Variants in TTC28 observed in about 807,000 individuals in gnomAD.
TTC28 encodes tetratricopeptide repeat protein 28.
TTC28 carries 61 observed loss-of-function variants against 198.0 expected under a neutral mutation model. The ratio of observed to expected loss-of-function variants is 0.31; its 90% CI spans 0.25 to 0.38. TTC28 has a LOEUF of 0.38. TTC28 is among the 10% of genes least tolerant of loss of function. The pLI, the probability that TTC28 is intolerant of heterozygous loss-of-function variation, is 1.00. For missense variants in TTC28, 2,678 were observed against 3,164.0 expected, an observed-to-expected ratio of 0.85 and a Z score of 3.69; for synonymous variants, 1,171 against 1,297.8, an observed-to-expected ratio of 0.90 and a Z score of 2.10.
intron 2 of TTC28, among the ~76,000 whole-genome samples, chr22:28,543,186 C>A (rs1006955204): frequency 5.3e-5 from 8 of 151,828 alleles, no homozygotes; most frequent in Admixed American, 1.3e-4. Flanking sequence ...TAAAAAGTAA[C>A]AAAAATAGCC....
intron 1 of TTC28, among the ~76,000 whole-genome samples, chr22:28,657,142 A>G (rs1350719763): frequency 6.6e-6 from 1 of 152,196 alleles, no homozygotes; most frequent in Non-Finnish European, 1.5e-5. Context: ...AAAAGTTAAA[A>G]GTTAAACTGT....
intron 12 of TTC28, among the ~76,000 whole-genome samples, chr22:28,074,303 T>G (rs1941096944): frequency 6.6e-6 from 1 of 152,192 alleles, no homozygotes; most frequent in Non-Finnish European, 1.5e-5. Flanking sequence ...ATATTGAGAT[T>G]TGATAAGTTC....
chr22:28,102,473 T>C (rs1942182868), intron 8 of TTC28, among the ~76,000 whole-genome samples: 1 of 152,082 alleles, frequency 6.6e-6, no homozygotes, highest in Non-Finnish European at 1.5e-5. Flanking sequence ...TTTGTGAGAG[T>C]CAAATCTGAA....
intron 2 of TTC28, among the ~76,000 whole-genome samples, chr22:28,497,291 T>C (rs2048470201): frequency 6.6e-6 from 1 of 152,124 alleles, no homozygotes; most frequent in African/African-American, 2.4e-5. Flanking sequence ...TAAAAAGGTA[T>C]ATAGAAAACT....
intron 2 of TTC28, among the ~76,000 whole-genome samples, chr22:28,319,166 T>C (rs974966832): frequency 1.4e-4 from 21 of 152,160 alleles, no homozygotes; most frequent in African/African-American, 5.1e-4. Flanking sequence ...GAAATATTTA[T>C]GCAAGTGTTT....
At chr22:28,071,967 G>A (rs892390307) in intron 12 of TTC28, among the ~76,000 whole-genome samples, 1 of 152,100 alleles carries the variant, frequency 6.6e-6, no homozygotes, top group African/African-American at 2.4e-5. Context: ...ACTAGGAATC[G>A]GAAGAGTTTC....
intron 5 of TTC28, among the ~76,000 whole-genome samples, chr22:28,166,222 A>C (rs1174043114): frequency 3.3e-5 from 5 of 152,208 alleles, no homozygotes; most frequent in Admixed American, 3.3e-4. Flanking sequence ...ACTCAATAAT[A>C]ATGGGAGACT....
At chr22:28,528,774 A>G in intron 2 of TTC28, among the ~76,000 whole-genome samples, 1 of 151,936 alleles carries the variant, frequency 6.6e-6, no homozygotes, top group South Asian at 2.1e-4. Flanking sequence ...AAAAGAATGA[A>G]AACTGAGACA....
chr22:28,367,919 T>C (rs1439221751), intron 2 of TTC28, among the ~76,000 whole-genome samples: 2 of 151,936 alleles, frequency 1.3e-5, no homozygotes, highest in East Asian at 3.9e-4. Context: ...AAAGCTGTAA[T>C]AAAAAGCCTC....
chr22:28,163,674 T>C, intron 5 of TTC28, 75 bp from the exon 6 acceptor site: 2 of 1,445,848 alleles, frequency 1.4e-6, no homozygotes, highest in Non-Finnish European at 1.8e-6. Flanking sequence ...AGATAAAATT[T>C]TACAGGTTGC....
chr22:28,062,616 A>C (rs1357671933), intron 12 of TTC28, among the ~76,000 whole-genome samples: 1 of 151,914 alleles, frequency 6.6e-6, no homozygotes, highest in Non-Finnish European at 1.5e-5. Context: ...ATGCAGACGC[A>C]AGCCACTGTA....
intron 12 of TTC28, among the ~76,000 whole-genome samples, chr22:28,058,782 T>C (rs1940396224): frequency 1.3e-5 from 2 of 152,196 alleles, no homozygotes; most frequent in Middle Eastern, 3.4e-3. Flanking sequence ...ATGAATTTAA[T>C]AGACATAGGG....
chr22:28,004,831 G>T (rs971337264), intron 14 of TTC28, among the ~76,000 whole-genome samples: 1 of 152,230 alleles, frequency 6.6e-6, no homozygotes, highest in Non-Finnish European at 1.5e-5. Flanking sequence ...TTGAAAAGGG[G>T]AAAGCAAGCG....
At chr22:28,549,322 C>T (rs1356932729) in intron 2 of TTC28, among the ~76,000 whole-genome samples, 1 of 152,164 alleles carries the variant, frequency 6.6e-6, no homozygotes, top group Non-Finnish European at 1.5e-5. Context: ...AGCCACCATG[C>T]CTGACCTCTA....
chr22:28,414,640 T>C (rs1256686194), intron 2 of TTC28, among the ~76,000 whole-genome samples: 1 of 152,086 alleles, frequency 6.6e-6, no homozygotes, highest in African/African-American at 2.4e-5. Flanking sequence ...GCATTTACAT[T>C]AGTGAGTGGA....
At chr22:28,404,591 T>C (rs2046971677) in intron 2 of TTC28, among the ~76,000 whole-genome samples, 3 of 152,106 alleles carry the variant, frequency 2.0e-5, no homozygotes, top group Admixed American at 2.0e-4. Context: ...GGACTTAACC[T>C]CCAGTTTCTT....
Position 28,439,437 on chromosome 22 carries a change from T to A in TTC28, c.382-132794A>T, listed in dbSNP as rs2047580247. Among the ~76,000 whole-genome samples, 4 of 152,352 alleles carry A rather than the reference T, an allele frequency of 2.6e-5. No homozygotes were observed. In the South Asian group the frequency reaches 8.3e-4, roughly 32 times the overall value. On this transcript the variant is annotated intron_variant, in intron 2 of 22. Coordinates refer to ENST00000397906, the MANE Select transcript of TTC28 (RefSeq NM_001145418.2). ...GGCTAACATTCATTTATTGGGATCA[T>A]CTCAGCTTTATCTTTCTTGGATAAA... is the stretch of plus-strand genomic sequence containing the variant.
At chr22:28,308,454 C>T (rs1405057350) in intron 2 of TTC28, among the ~76,000 whole-genome samples, 1 of 152,084 alleles carries the variant, frequency 6.6e-6, no homozygotes, top group Non-Finnish European at 1.5e-5. Context: ...ACTGATTTCA[C>T]ATATTATAAG....
chr22:28,490,235 T>A (rs929499755), intron 2 of TTC28, among the ~76,000 whole-genome samples: 1 of 152,180 alleles, frequency 6.6e-6, no homozygotes, highest in Non-Finnish European at 1.5e-5. Flanking sequence ...CCAATCAAGT[T>A]GACACTCAGT....
Sources: allele counts gnomAD v4.1 joint callset (sites outside exome capture counted in the v4.1 genomes callset), GRCh38; gene constraint gnomAD v4.1.1; transcripts MANE v1.5; gene names NCBI Gene and HGNC (gene_info 2026-07-23, HGNC 2026-07-21).